TUSC3: variants seen among roughly 807,000 people sequenced by gnomAD.
The protein encoded by TUSC3 is dolichyl-diphosphooligosaccharide--protein glycosyltransferase subunit TUSC3.
In TUSC3, 45 loss-of-function variants were observed where a neutral mutation model predicts 44.8. The ratio of observed to expected loss-of-function variants is 1.00; its 90% confidence interval spans 0.79 to 1.29. The LOEUF (loss-of-function observed/expected upper bound fraction) is 1.29, where lower values mean the gene tolerates loss of function less well. Among genes scored for constraint, TUSC3 ranks in the 50% most tolerant of loss-of-function variants. The probability of loss-of-function intolerance (pLI) is 0.00; values close to 1 mark genes in which losing one functional copy is unlikely to be tolerated. For synonymous variants in TUSC3, 212 were observed against 152.9 expected (o/e 1.39, Z -2.85); for missense variants, 519 against 437.9 (o/e 1.19, Z -1.65).
At chr8:15,646,802 T>C (rs957173755) in intron 2 of TUSC3, among the ~76,000 whole-genome samples, 4 of 152,146 alleles carry the variant, frequency 2.6e-5, no homozygotes, top group African/African-American at 9.6e-5. Flanking sequence ...TTTTAAAAAA[T>C]AGCTGTAAAT....
chr8:15,614,350 CTT>C, intron 1 of TUSC3, among the ~76,000 whole-genome samples: 1 of 152,164 alleles, frequency 6.6e-6, no homozygotes. Flanking sequence ...GATTAAATGA[CTT>C]TCAGTAACTT....
chr8:15,552,392 T>C (rs1317842781), intron 1 of TUSC3, among the ~76,000 whole-genome samples: 1 of 151,776 alleles, frequency 6.6e-6, no homozygotes, highest in African/African-American at 2.4e-5. Context: ...GGATATATCC[T>C]ACTGCTCATA....
At position 15,519,193 on chromosome 8, in the gene TUSC3, A is replaced by T. The variant is rs147912750; in HGVS notation, n.189+35710A>T. ...AGTCATGATTTTGAGAATAATGATC[A>T]TGTTTTATTCTCTTATTTGGCTAAT... On this transcript the variant is annotated intron_variant and non_coding_transcript_variant, in intron 2 of 5. Coordinates refer to the TUSC3 transcript ENST00000503191. 3.5e-3 allele frequency among the ~76,000 whole-genome samples: 531 copies of T among 152,294 alleles called. 4 individuals carry two copies. Among genetic ancestry groups the T allele is most frequent in the Admixed American group, 8.9e-3 (136 of 15,296 alleles).
intron 1 of TUSC3, among the ~76,000 whole-genome samples, chr8:15,465,012 G>A (rs1800396173): frequency 6.6e-6 from 1 of 152,082 alleles, no homozygotes; most frequent in African/African-American, 2.4e-5. Context: ...ACCATGCCCA[G>A]CTAATTTTTG....
the TUSC3 span, among the ~76,000 whole-genome samples, chr8:15,786,630 A>G: frequency 6.6e-6 from 1 of 152,124 alleles, no homozygotes; most frequent in Non-Finnish European, 1.5e-5. Flanking sequence ...CACTTGAAAT[A>G]TACAGAAAAC....
chr8:15,502,832 A>C (rs941578675), intron 2 of TUSC3, among the ~76,000 whole-genome samples: 32 of 152,096 alleles, frequency 2.1e-4, no homozygotes, highest in African/African-American at 7.5e-4. Context: ...TTTATCCTAC[A>C]TTTTGCAGAA....
chr8:15,543,490 C>G (rs189737447), intron 1 of TUSC3, among the ~76,000 whole-genome samples: 10 of 152,232 alleles, frequency 6.6e-5, no homozygotes, highest in Admixed American at 6.5e-4. Context: ...AAACGACAAA[C>G]TCTCTGCATT....
intron 5 of TUSC3, among the ~76,000 whole-genome samples, chr8:15,664,755 A>G (rs1302331822): frequency 6.7e-6 from 1 of 149,482 alleles, no homozygotes; most frequent in Admixed American, 6.7e-5. Context: ...GCCTTTGGCA[A>G]CTCCTTAAAT....
chr8:15,600,161 T>A (rs1804225443), intron 1 of TUSC3, among the ~76,000 whole-genome samples: 1 of 151,788 alleles, frequency 6.6e-6, no homozygotes, highest in African/African-American at 2.4e-5. Flanking sequence ...TTTATAAGCA[T>A]TTGTTTGTCC....
At chr8:15,498,750 A>T (rs939384796) in intron 2 of TUSC3, among the ~76,000 whole-genome samples, 1 of 152,186 alleles carries the variant, frequency 6.6e-6, no homozygotes, top group African/African-American at 2.4e-5. Context: ...CTTTCCTTGA[A>T]ATAAGGGTTT....
chr8:15,846,199 C>T, the TUSC3 span, among the ~76,000 whole-genome samples: 1 of 152,080 alleles, frequency 6.6e-6, no homozygotes, highest in Non-Finnish European at 1.5e-5. Flanking sequence ...CATATCAACT[C>T]CGAGGGCAAT....
At chr8:15,584,107 T>C (rs750936442) in intron 1 of TUSC3, among the ~76,000 whole-genome samples, 1 of 152,216 alleles carries the variant, frequency 6.6e-6, no homozygotes, top group Admixed American at 6.5e-5. Context: ...ATTTGAAATA[T>C]TTAGATGTTT....
At chr8:15,586,595 T>C (rs1349727079) in intron 1 of TUSC3, among the ~76,000 whole-genome samples, 3 of 152,102 alleles carry the variant, frequency 2.0e-5, no homozygotes, top group African/African-American at 7.2e-5. Context: ...GCGCTAGAGG[T>C]AAATACTGTG....
chr8:15,738,672 G>A (rs145712177), intron 7 of TUSC3, among the ~76,000 whole-genome samples: 6 of 152,020 alleles, frequency 3.9e-5, no homozygotes, highest in East Asian at 3.9e-4. Context: ...TAACTCACCC[G>A]TGAACAGTTA....
chr8:15,492,524 G>T (rs1800822414), intron 2 of TUSC3, among the ~76,000 whole-genome samples: 1 of 152,164 alleles, frequency 6.6e-6, no homozygotes, highest in Non-Finnish European at 1.5e-5. Flanking sequence ...CAAGACTGAA[G>T]ACTTGAGGTG....
intron 1 of TUSC3, among the ~76,000 whole-genome samples, chr8:15,574,283 T>C (rs929589573): frequency 6.6e-6 from 1 of 152,128 alleles, no homozygotes; most frequent in Non-Finnish European, 1.5e-5. Flanking sequence ...ACTCCACCTT[T>C]TGCATTCTTC....
At chr8:15,605,450 A>G (rs1302918547) in intron 1 of TUSC3, among the ~76,000 whole-genome samples, 1 of 151,976 alleles carries the variant, frequency 6.6e-6, no homozygotes, top group Admixed American at 6.6e-5. Context: ...GGAAGCCATT[A>G]TTGATTTGCT....
chr8:15,684,615 C>G (rs1482532086), intron 6 of TUSC3, among the ~76,000 whole-genome samples: 1 of 152,136 alleles, frequency 6.6e-6, no homozygotes, highest in African/African-American at 2.4e-5. Flanking sequence ...TCCTCCCGGA[C>G]TGGTCTTATG....
intron 1 of TUSC3, among the ~76,000 whole-genome samples, chr8:15,479,892 G>T (rs1800635343): frequency 6.6e-6 from 1 of 152,148 alleles, no homozygotes; most frequent in Non-Finnish European, 1.5e-5. Flanking sequence ...GGTCCTATAT[G>T]TGGAAAACAC....
Sources: gnomAD v4.1 joint callset for allele counts (sites outside exome capture counted in the v4.1 genomes callset) on GRCh38, gnomAD v4.1.1 for gene constraint, MANE v1.5 for transcripts, NCBI Gene and HGNC (gene_info 2026-07-23, HGNC 2026-07-21) for gene names.